The following DIAPH3 variants were observed in gnomAD, a reference collection of about 807,000 sequenced individuals.
The protein encoded by DIAPH3 is diaphanous related formin 3.
A neutral mutation model predicts 144.3 loss-of-function variants in DIAPH3; 117 were observed. The observed-to-expected ratio is 0.81, with a 90% CI of 0.70 to 0.95. The LOEUF (loss-of-function observed/expected upper bound fraction) is 0.95. DIAPH3 is among the 40% of genes least tolerant of loss of function. The pLI, the probability that DIAPH3 is intolerant of heterozygous loss-of-function variation, is 0.00. For missense variants in DIAPH3, 1,421 were observed against 1,412.7 expected (o/e 1.01, Z -0.09); for synonymous variants, 519 against 488.9 (o/e 1.06, Z -0.81).
chr13:59,667,673 A>C (rs1176976530), intron 27 of DIAPH3, among the ~76,000 whole-genome samples: 1 of 152,236 alleles, frequency 6.6e-6, no homozygotes, highest in Non-Finnish European at 1.5e-5. Context: ...ATATACATAC[A>C]CACATACATT....
intron 5 of DIAPH3, among the ~76,000 whole-genome samples, chr13:60,019,384 T>A (rs138675231): frequency 6.6e-6 from 1 of 152,100 alleles, no homozygotes; most frequent in South Asian, 2.1e-4. Flanking sequence ...AGAAATGACA[T>A]AGAGATCAGT....
At chr13:60,071,967 T>C (rs2057224466) in intron 4 of DIAPH3, among the ~76,000 whole-genome samples, 1 of 152,110 alleles carries the variant, frequency 6.6e-6, no homozygotes, top group African/African-American at 2.4e-5. Context: ...CTGCTTCCCA[T>C]CAGGCTACTA....
At chr13:60,023,790 C>T (rs180929169) in intron 5 of DIAPH3, among the ~76,000 whole-genome samples, 4 of 147,394 alleles carry the variant, frequency 2.7e-5, no homozygotes, top group Middle Eastern at 3.7e-3. Flanking sequence ...TGAGTTTATC[C>T]TGTTTGTGAT....
chr13:60,095,953 G>A (rs1350106837), intron 3 of DIAPH3, among the ~76,000 whole-genome samples: 1 of 152,110 alleles, frequency 6.6e-6, no homozygotes, highest in Non-Finnish European at 1.5e-5. Flanking sequence ...CAATGCCACT[G>A]CTGTACTCAC....
chr13:60,098,495 G>C (rs1239766243), intron 3 of DIAPH3, among the ~76,000 whole-genome samples: 1 of 151,966 alleles, frequency 6.6e-6, no homozygotes, highest in Non-Finnish European at 1.5e-5. Context: ...AAAAGGAGCT[G>C]GGAGGGGGTA....
rs2057253730 is a variant in DIAPH3 at position 60,072,741 on chromosome 13, A to G, written c.495+20887T>C. On this transcript the variant is annotated intron_variant, in intron 4 of 27. Transcript: ENST00000400324. The stretch of plus-strand genomic sequence containing the variant: ...AAATAATATCAGAAATAAGGCTGAC[A>G]CTTAAAAGATAACTAAAGAATGCAC... Among the ~76,000 whole-genome samples the G allele has an allele frequency of 3.3e-5, 5 of 152,178 alleles. No individual in the cohort carries two copies. In the South Asian group the frequency reaches 1.0e-3, roughly 32 times the overall value.
chr13:59,694,934 A>G (rs901353323), intron 27 of DIAPH3, among the ~76,000 whole-genome samples: 2 of 152,192 alleles, frequency 1.3e-5, no homozygotes, highest in Non-Finnish European at 2.9e-5. Flanking sequence ...ATCTAGTTGA[A>G]AATAATTTTT....
At position 59,942,208 on chromosome 13, in the gene DIAPH3, T is replaced by C. The variant is rs548243736; in HGVS notation, c.2075-17338A>G. On this transcript the variant is annotated intron_variant, in intron 17 of 27. Coordinates refer to ENST00000400324, the MANE Select transcript of DIAPH3 (RefSeq NM_001042517.2). Reference sequence around the variant, plus strand: ...ACAGGCACCATTTGGAATAATTAACTATCAAATATATTGCTTTCTGAATGG... The same window carrying C: ...ACAGGCACCATTTGGAATAATTAACCATCAAATATATTGCTTTCTGAATGG... 6.6e-5 allele frequency among the ~76,000 whole-genome samples: 10 copies of C among 152,340 alleles called. No individual in the cohort carries two copies. In the South Asian group the frequency reaches 2.1e-3, roughly 32 times the overall value.
chr13:59,678,496 C>T lies in DIAPH3; in HGVS notation c.3320-11650G>A, dbSNP rs565828077. Reference sequence around the variant, plus strand: ...TCTTCCTTCAAAGGACAATTTTGTGCAGATAACCTAGGAAGAAATATTGAT... The same window carrying T: ...TCTTCCTTCAAAGGACAATTTTGTGTAGATAACCTAGGAAGAAATATTGAT... On this transcript the variant is annotated intron_variant, in intron 27 of 27. Coordinates refer to ENST00000400324, the MANE Select transcript of DIAPH3 (RefSeq NM_001042517.2). Among the ~76,000 whole-genome samples, 309 of 152,138 alleles carry T rather than the reference C, an allele frequency of 2.0e-3. 3 individuals carry two copies. The highest frequency in any genetic ancestry group is 3.4e-3 in the Middle Eastern group (1 of 294).
intron 17 of DIAPH3, among the ~76,000 whole-genome samples, chr13:59,951,052 A>C (rs1457366532): frequency 6.6e-6 from 1 of 152,154 alleles, no homozygotes; most frequent in Non-Finnish European, 1.5e-5. Flanking sequence ...ATATAATCTT[A>C]ATGAAATACA....
intron 27 of DIAPH3, among the ~76,000 whole-genome samples, chr13:59,757,023 G>A (rs1015452822): frequency 1.3e-5 from 2 of 152,172 alleles, no homozygotes; most frequent in East Asian, 1.9e-4. Flanking sequence ...CTCCTACTCC[G>A]TTTCTGGTTC....
At chr13:59,971,204 C>T (rs1197785124) in intron 15 of DIAPH3, 44 bp from the exon 16 acceptor site, 1 of 1,527,914 alleles carries the variant, frequency 6.5e-7, no homozygotes, top group African/African-American at 1.4e-5. Context: ...AACATATCTA[C>T]AAAACATGTA....
chr13:59,898,112 G>A (rs1457671188), intron 20 of DIAPH3, among the ~76,000 whole-genome samples: 2 of 138,142 alleles, frequency 1.4e-5, no homozygotes, highest in African/African-American at 5.4e-5. Flanking sequence ...TCCAGCCTGG[G>A]TGACAGAGTG....
At chr13:59,987,011 A>C (rs2051434057) in intron 12 of DIAPH3, among the ~76,000 whole-genome samples, 1 of 152,040 alleles carries the variant, frequency 6.6e-6, no homozygotes, top group Non-Finnish European at 1.5e-5. Flanking sequence ...TGCTGCTATA[A>C]AGACACATGC....
intron 25 of DIAPH3, among the ~76,000 whole-genome samples, chr13:59,782,766 C>T (rs1170199267): frequency 6.6e-6 from 1 of 152,030 alleles, no homozygotes; most frequent in East Asian, 1.9e-4. Flanking sequence ...GGAGAAGGAA[C>T]AGCAGTTACA....
At chr13:59,729,537 A>G (rs2035776068) in intron 27 of DIAPH3, among the ~76,000 whole-genome samples, 1 of 152,160 alleles carries the variant, frequency 6.6e-6, no homozygotes, top group Non-Finnish European at 1.5e-5. Context: ...ATAACGTGGT[A>G]GCATGAGATC....
At chr13:59,947,075 T>C (rs544507543) in intron 17 of DIAPH3, among the ~76,000 whole-genome samples, 10 of 152,328 alleles carry the variant, frequency 6.6e-5, no homozygotes, top group African/African-American at 2.2e-4. Flanking sequence ...AGAGGGCATA[T>C]CTGCAACCAC....
chr13:59,761,979 T>C (rs994438586), intron 27 of DIAPH3, among the ~76,000 whole-genome samples: 7 of 148,064 alleles, frequency 4.7e-5, no homozygotes, highest in Non-Finnish European at 1.0e-4. Flanking sequence ...AAAGGGCTGC[T>C]CAAAACATAG....
At chr13:59,700,281 T>C (rs2034030352) in intron 27 of DIAPH3, among the ~76,000 whole-genome samples, 1 of 152,158 alleles carries the variant, frequency 6.6e-6, no homozygotes, top group Non-Finnish European at 1.5e-5. Context: ...GCTGGAAACC[T>C]TTGTAATAGT....
Sources: gnomAD v4.1 joint callset for allele counts (sites outside exome capture counted in the v4.1 genomes callset) on GRCh38, gnomAD v4.1.1 for gene constraint, MANE v1.5 for transcripts, NCBI Gene and HGNC (gene_info 2026-07-23, HGNC 2026-07-21) for gene names.